Variants in RASGRF2 observed in about 807,000 individuals in gnomAD.
RASGRF2 encodes the protein Ras protein specific guanine nucleotide releasing factor 2, also known as ras-specific guanine nucleotide-releasing factor 2.
In RASGRF2, 76 loss-of-function variants were observed where a neutral mutation model predicts 151.0. The ratio of observed to expected loss-of-function variants is 0.50; its 90% CI spans 0.42 to 0.61. The LOEUF is 0.61. RASGRF2 is among the 20% of genes least tolerant of loss of function. The pLI is 0.00. For synonymous variants in RASGRF2, 504 were observed against 566.5 expected, an observed-to-expected ratio of 0.89 and a Z score of 1.57; for missense variants, 1,148 against 1,564.6, an observed-to-expected ratio of 0.73 and a Z score of 4.49.
intron 5 of RASGRF2, among the ~76,000 whole-genome samples, chr5:81,074,491 C>G (rs1221641728): frequency 1.3e-5 from 2 of 152,180 alleles, no homozygotes; most frequent in African/African-American, 4.8e-5. Flanking sequence ...CCCCCACTTT[C>G]TATACGTAAT....
intron 17 of RASGRF2, among the ~76,000 whole-genome samples, chr5:81,177,638 A>T (rs1754805904): frequency 6.6e-6 from 1 of 151,040 alleles, no homozygotes; most frequent in African/African-American, 2.4e-5. Flanking sequence ...GGATGACACA[A>T]ATATTAATCT....
chr5:80,999,969 T>G (rs2112286371), intron 1 of RASGRF2, among the ~76,000 whole-genome samples: 1 of 152,276 alleles, frequency 6.6e-6, no homozygotes, highest in South Asian at 2.1e-4. Context: ...AGAAAGGGCA[T>G]GATGGGGAGG....
At chr5:81,069,182 C>T (rs181777117) in intron 3 of RASGRF2, among the ~76,000 whole-genome samples, 2 of 152,326 alleles carry the variant, frequency 1.3e-5, no homozygotes, top group East Asian at 1.9e-4. Context: ...GGGTTTTCGC[C>T]TTCTGCTCCC....
In RASGRF2 at chr5:81,085,887, A is replaced by C; in HGVS notation, c.1247A>C (p.Lys416Thr). The C allele has an allele frequency of 6.2e-7, 1 of 1,614,154 alleles. No individual in the cohort carries two copies. Among genetic ancestry groups the C allele is most frequent in the Non-Finnish European group, 8.5e-7 (1 of 1,180,028 alleles). Residue 416 changes from lysine (K) to threonine (T), a missense_variant, in exon 8 of 27, where the codon AAA (lysine) becomes ACA (threonine). By Grantham distance (78) the Lys-to-Thr change is moderately conservative. Around this residue, in one of 5 missense-constraint regions of RASGRF2, gnomAD observed 176 missense variants for 309.6 expected, o/e 0.57. Coordinates refer to ENST00000265080, the MANE Select transcript of RASGRF2 (RefSeq NM_006909.3). ...HVERKSLEFAKSKLEELSRVM... is the reference protein window; with the variant it reads ...HVERKSLEFATSKLEELSRVM... ...GAAAGGAAAAGCCTGGAGTTTGCCA[A>C]ATCAAAGCTAGAGGAACTATCCAGG...
At chr5:81,142,041 A>G (rs777110164) in intron 17 of RASGRF2, among the ~76,000 whole-genome samples, 1 of 152,256 alleles carries the variant, frequency 6.6e-6, no homozygotes, top group East Asian at 1.9e-4. Flanking sequence ...GCATAAACTT[A>G]TAAGAAAGGC....
chr5:81,015,560 T>G (rs532532290), intron 1 of RASGRF2, among the ~76,000 whole-genome samples: 50 of 152,334 alleles, frequency 3.3e-4, no homozygotes, highest in African/African-American at 1.1e-3. Context: ...TTCGTTTTAT[T>G]TGTGGGCATG....
At chr5:81,101,984 G>A (rs557198368) in intron 12 of RASGRF2, among the ~76,000 whole-genome samples, 25 of 152,242 alleles carry the variant, frequency 1.6e-4, no homozygotes, top group African/African-American at 5.3e-4. Flanking sequence ...TAGTATGGAG[G>A]ACTGAGCTGA....
intron 1 of RASGRF2, among the ~76,000 whole-genome samples, chr5:80,962,631 G>A (rs1280987579): frequency 1.3e-5 from 2 of 151,000 alleles, no homozygotes; most frequent in Admixed American, 1.3e-4. Context: ...TTCAGTTAGG[G>A]GTGGGGAGTT....
chr5:81,156,813 T>A (rs955763936), intron 17 of RASGRF2, among the ~76,000 whole-genome samples: 2 of 152,072 alleles, frequency 1.3e-5, no homozygotes, highest in Non-Finnish European at 2.9e-5. Context: ...TGCGCTGGAG[T>A]ATCTTTAAAA....
Position 81,109,023 on chromosome 5 carries a change from T to C in RASGRF2, c.1783T>C (p.Leu595=). The C allele has an allele frequency of 1.2e-6, 2 of 1,611,432 alleles. No homozygotes were observed. Among genetic ancestry groups the C allele is most frequent in the Non-Finnish European group, 1.7e-6 (2 of 1,177,796 alleles). The change falls in exon 13 of 27, where the codon TTA becomes CTA. Residue 595 remains leucine, a synonymous_variant. Coordinates refer to ENST00000265080, the MANE Select transcript of RASGRF2 (RefSeq NM_006909.3). ...QCVDNIRCNG[L]MTIVFEENSK... ...TGTGGACAATATACGATGTAATGGT[T>C]TAATGACTATAGTGTTTGAAGAGAA... is the stretch of plus-strand genomic sequence containing the variant.
At chr5:81,157,389 AT>A (rs1188424440) in intron 17 of RASGRF2, among the ~76,000 whole-genome samples, 1 of 152,018 alleles carries the variant, frequency 6.6e-6, no homozygotes, top group African/African-American at 2.4e-5. Context: ...CTACTTAAAA[AT>A]ACATTTAACA....
intron 19 of RASGRF2, among the ~76,000 whole-genome samples, chr5:81,202,099 A>T (rs1755408439): frequency 6.6e-6 from 1 of 152,020 alleles, no homozygotes; most frequent in African/African-American, 2.4e-5. Context: ...AAGCTTTCTT[A>T]TAGCTTCTTG....
chr5:81,161,823 G>T (rs960359885), intron 17 of RASGRF2, among the ~76,000 whole-genome samples: 2 of 151,852 alleles, frequency 1.3e-5, no homozygotes. Context: ...TATAAACATT[G>T]TTGGCCCCAA....
At chr5:81,024,538 G>T (rs1173303812) in intron 1 of RASGRF2, among the ~76,000 whole-genome samples, 1 of 152,068 alleles carries the variant, frequency 6.6e-6, no homozygotes, top group African/African-American at 2.4e-5. Flanking sequence ...GGGATTACAG[G>T]CGTGAGCCAC....
At chr5:80,971,705 A>G (rs1747939657) in intron 1 of RASGRF2, among the ~76,000 whole-genome samples, 1 of 151,578 alleles carries the variant, frequency 6.6e-6, no homozygotes, top group South Asian at 2.1e-4. Flanking sequence ...AGCTGGGACT[A>G]TAGGCATGCA....
intron 1 of RASGRF2, among the ~76,000 whole-genome samples, chr5:81,015,568 A>G (rs1370662568): frequency 6.6e-6 from 1 of 152,054 alleles, no homozygotes; most frequent in East Asian, 1.9e-4. Context: ...ATTTGTGGGC[A>G]TGTGAATATT....
Position 81,127,148 on chromosome 5 carries a change from C to T in RASGRF2, c.2671C>T (p.His891Tyr), listed in dbSNP as rs1753479292. 1 of 1,613,888 alleles carries T rather than the reference C, an allele frequency of 6.2e-7. No homozygotes were observed. The highest frequency in any genetic ancestry group is 8.5e-7 in the Non-Finnish European group (1 of 1,179,880). ...TGCAATAGCCACAGCTGCAGCAGGA[C>T]ATGGGAGTCCACCAGGTGAGTAGGG... ...AFAIATAAAG[H>Y]GSPPGFNNTE... Residue 891 changes from histidine to tyrosine, a missense_variant, in exon 17 of 27, where the codon CAT (histidine) becomes TAT (tyrosine). By Grantham distance (83) the His-to-Tyr change is moderately conservative (BLOSUM62 2). This residue lies in a region of RASGRF2 where 646 missense variants were observed against 807.4 expected (regional missense o/e 0.80). Coordinates refer to ENST00000265080, the MANE Select transcript of RASGRF2 (RefSeq NM_006909.3).
intron 15 of RASGRF2, among the ~76,000 whole-genome samples, chr5:81,121,694 C>G (rs564511574): frequency 6.6e-6 from 1 of 152,306 alleles, no homozygotes; most frequent in Admixed American, 6.5e-5. Flanking sequence ...CAGTTTCTAT[C>G]TTCTTCAACC....
chr5:81,090,124 T>C (rs188406864), intron 9 of RASGRF2, among the ~76,000 whole-genome samples: 1 of 152,344 alleles, frequency 6.6e-6, no homozygotes, highest in East Asian at 1.9e-4. Flanking sequence ...CTCTAAGTCA[T>C]GCGCTTTCAA....
Sources: allele counts gnomAD v4.1 joint callset (sites outside exome capture counted in the v4.1 genomes callset), GRCh38; gene constraint gnomAD v4.1.1; regional missense constraint gnomAD v4.1.1; transcripts MANE v1.5; gene names NCBI Gene and HGNC (gene_info 2026-07-23, HGNC 2026-07-21).